ADARB2: variants seen among roughly 807,000 people sequenced by gnomAD.
ADARB2 encodes inactive double-stranded RNA-specific editase B2.
Under a neutral mutation model 62.2 loss-of-function variants are expected in ADARB2, and 25 were observed. The observed-to-expected ratio is 0.40, with a 90% confidence interval of 0.29 to 0.56. The LOEUF (loss-of-function observed/expected upper bound fraction) is 0.56. ADARB2 is among the 20% of genes least tolerant of loss of function. The pLI is 0.43. For synonymous variants in ADARB2, 572 were observed against 500.8 expected, an observed-to-expected ratio of 1.14 and a Z score of -1.90; for missense variants, 1,071 against 1,077.4, an observed-to-expected ratio of 0.99 and a Z score of 0.08.
intron 3 of ADARB2, among the ~76,000 whole-genome samples, chr10:1,299,204 A>G (rs1271207696): frequency 6.6e-6 from 1 of 152,054 alleles, no homozygotes; most frequent in Non-Finnish European, 1.5e-5. Flanking sequence ...CTGGGGAGTC[A>G]CGAAGGGGCC....
At chr10:1,247,647 C>T (rs1029660354) in intron 4 of ADARB2, among the ~76,000 whole-genome samples, 2 of 152,208 alleles carry the variant, frequency 1.3e-5, no homozygotes, top group African/African-American at 4.8e-5. Context: ...AGCTCAGTAG[C>T]AGTTGAAGAC....
chr10:1,364,038 C>G, intron 2 of ADARB2, 121 bp from the exon 3 acceptor site: 1 of 1,312,984 alleles, frequency 7.6e-7, no homozygotes, highest in South Asian at 1.7e-5. Flanking sequence ...CCAGGTCAGG[C>G]CTGAGAAATG....
Position 1,590,803 on chromosome 10 carries a change from G to A in ADARB2, c.100+146248C>T, listed in dbSNP as rs1995211. ...CGGTGGACGGTTTCAGGGATGGGAG[G>A]AGTGCCTTCTGGAGACCTGATGCTC... On this transcript the variant is annotated intron_variant, in intron 1 of 9. Coordinates refer to ENST00000381312, the MANE Select transcript of ADARB2 (RefSeq NM_018702.4). Among the ~76,000 whole-genome samples, 1,406 of 152,230 alleles carry A rather than the reference G, an allele frequency of 9.2e-3. 16 individuals are homozygous for A. The highest frequency in any genetic ancestry group is 0.032 in the African/African-American group (1,333 of 41,516).
rs1428134013 is a variant in ADARB2, at chr10:1,180,956, C to A, written c.*2237G>T. The A allele has an allele frequency of 2.0e-5, 3 of 152,236 alleles. No homozygotes were observed. Among genetic ancestry groups the A allele is most frequent in the African/African-American group, 4.8e-5 (2 of 41,454 alleles). The allele number at this position is 152,236 out of a possible 1,614,324, so 9.4% of individuals were successfully genotyped here. ...ATGCCTGAGACAAAACGAATCCCAA[C>A]CCCCCAGCTGTGGCTTCATGATGCT... On this transcript the variant is annotated 3_prime_UTR_variant, in exon 10 of 10. Transcript: ENST00000381312.
intron 1 of ADARB2, among the ~76,000 whole-genome samples, chr10:1,465,457 C>G (rs906834379): frequency 3.3e-5 from 5 of 152,182 alleles, no homozygotes; most frequent in Non-Finnish European, 7.3e-5. Flanking sequence ...GCTGCCTGCC[C>G]CTCCGAGGCA....
At position 1,488,578 on chromosome 10, in the gene ADARB2, G is replaced by GGATCAAT. The variant is rs144694400; in HGVS notation, c.101-109425_101-109419dup. 1.9e-3 allele frequency among the ~76,000 whole-genome samples: 286 copies of GGATCAAT among 152,270 alleles called. 1 individual carries two copies. The highest frequency in any genetic ancestry group is 6.5e-3 in the African/African-American group (270 of 41,542). On this transcript the variant is annotated intron_variant, in intron 1 of 9. Transcript: ENST00000381312. ...TGTGCTGGATATAGGCCAGGCTGCA[G>GGATCAAT]GATCAATGATCAATGATCAATGAGC...
intron 1 of ADARB2, among the ~76,000 whole-genome samples, chr10:1,583,084 T>C (rs1295683788): frequency 6.6e-6 from 1 of 152,240 alleles, no homozygotes; most frequent in African/African-American, 2.4e-5. Flanking sequence ...CACAAAGTAA[T>C]TGTTGGATTA....
intron 1 of ADARB2, among the ~76,000 whole-genome samples, chr10:1,657,038 CA>C (rs1834181200): frequency 1.3e-5 from 2 of 148,176 alleles, no homozygotes; most frequent in South Asian, 4.3e-4. Context: ...TGGTGTTTAA[CA>C]AAAGTTCTCA....
At chr10:1,197,899 A>G (rs1836932095) in intron 8 of ADARB2, among the ~76,000 whole-genome samples, 1 of 152,196 alleles carries the variant, frequency 6.6e-6, no homozygotes, top group Non-Finnish European at 1.5e-5. Context: ...CAAAGTGGCT[A>G]TTTCATCTCA....
chr10:1,430,666 G>A (rs564650361), intron 1 of ADARB2, among the ~76,000 whole-genome samples: 59 of 152,272 alleles, frequency 3.9e-4, no homozygotes, highest in African/African-American at 1.3e-3. Context: ...CTTGAATCTG[G>A]GAGGCGGAGG....
At chr10:1,315,531 A>G (rs907012882) in intron 3 of ADARB2, among the ~76,000 whole-genome samples, 1 of 152,230 alleles carries the variant, frequency 6.6e-6, no homozygotes. Context: ...TAAACAGTCA[A>G]TGAGGGATCA....
At chr10:1,455,243 G>C (rs914473999) in intron 1 of ADARB2, among the ~76,000 whole-genome samples, 1 of 152,214 alleles carries the variant, frequency 6.6e-6, no homozygotes, top group South Asian at 2.1e-4. Flanking sequence ...CTTTTGCCAG[G>C]TGCAAATCAA....
chr10:1,554,154 C>T (rs1193582098), intron 1 of ADARB2, among the ~76,000 whole-genome samples: 3 of 152,180 alleles, frequency 2.0e-5, no homozygotes, highest in Non-Finnish European at 4.4e-5. Context: ...ATCTGCAGGG[C>T]AGGCCCTGGT....
At chr10:1,716,335 G>A (rs1835016585) in intron 1 of ADARB2, among the ~76,000 whole-genome samples, 1 of 152,244 alleles carries the variant, frequency 6.6e-6, no homozygotes, top group Non-Finnish European at 1.5e-5. Context: ...GGAAGAAGGT[G>A]TGAAAGATCT....
chr10:1,505,519 C>T lies in ADARB2; in HGVS notation c.101-126359G>A, dbSNP rs936876741. ...CTGACTCACATCCACACACATCTTC[C>T]CTCGGAAAACACTCGTTCTGCCTGA... On this transcript the variant is annotated intron_variant, in intron 1 of 9. Transcript: ENST00000381312. Among the ~76,000 whole-genome samples, 4 of 152,172 alleles carry T rather than the reference C, an allele frequency of 2.6e-5. No individual in the cohort carries two copies. In the South Asian group the frequency reaches 6.2e-4, roughly 24 times the overall value.
At chr10:1,183,681 C>T (rs11817599) in intron 9 of ADARB2, among the ~76,000 whole-genome samples, 9,392 of 152,268 alleles carry the variant, frequency 0.062, 998 homozygotes, top group African/African-American at 0.22. Context: ...GCTAAAACAG[C>T]ATCACAGTGG....
At chr10:1,681,311 C>T (rs1373502665) in intron 1 of ADARB2, among the ~76,000 whole-genome samples, 1 of 152,134 alleles carries the variant, frequency 6.6e-6, no homozygotes, top group East Asian at 1.9e-4. Context: ...TTCCTCGAAG[C>T]AGTCTATTCT....
intron 1 of ADARB2, among the ~76,000 whole-genome samples, chr10:1,496,660 C>A (rs1831696545): frequency 6.6e-6 from 1 of 151,918 alleles, no homozygotes; most frequent in African/African-American, 2.4e-5. Context: ...TCATAATAAT[C>A]ATATTCATCA....
chr10:1,567,707 T>C (rs1047423990), intron 1 of ADARB2, among the ~76,000 whole-genome samples: 3 of 152,206 alleles, frequency 2.0e-5, no homozygotes, highest in African/African-American at 7.2e-5. Flanking sequence ...CTCGATGTCT[T>C]GGAGGCAGAC....
Sources: allele counts gnomAD v4.1 joint callset (sites outside exome capture counted in the v4.1 genomes callset), GRCh38; gene constraint gnomAD v4.1.1; transcripts MANE v1.5; gene names NCBI Gene and HGNC (gene_info 2026-07-23, HGNC 2026-07-21).